Variants in COX7B2 observed in about 807,000 individuals in gnomAD.
The protein encoded by COX7B2 is cytochrome c oxidase subunit 7B2, mitochondrial.
For missense variants in COX7B2, 109 were observed against 95.9 expected, an observed-to-expected ratio of 1.14 and a Z score of -0.57; for synonymous variants, 37 against 32.1, an observed-to-expected ratio of 1.15 and a Z score of -0.51.
chr4:46,748,971 A>G (rs1715185449), intron 2 of COX7B2, among the ~76,000 whole-genome samples: 1 of 152,178 alleles, frequency 6.6e-6, no homozygotes, highest in South Asian at 2.1e-4. Context: ...AATACAGTAC[A>G]TCAAACTTCC....
intron 2 of COX7B2, among the ~76,000 whole-genome samples, chr4:46,767,756 A>G (rs1270384802): frequency 6.6e-6 from 1 of 152,258 alleles, no homozygotes; most frequent in Non-Finnish European, 1.5e-5. Context: ...ATAATCAAAA[A>G]GGAAATCACA....
intron 2 of COX7B2, among the ~76,000 whole-genome samples, chr4:46,754,557 G>A (rs77602323): frequency 1.1e-4 from 11 of 100,622 alleles, no homozygotes; most frequent in Non-Finnish European, 1.2e-4. Context: ...GGGGGGAGGG[G>A]GGAGGGATAG....
intron 2 of COX7B2, among the ~76,000 whole-genome samples, chr4:46,819,295 C>T (rs752099481): frequency 6.6e-6 from 1 of 152,162 alleles, no homozygotes; most frequent in Non-Finnish European, 1.5e-5. Flanking sequence ...TTCATTCCCT[C>T]TACAGAGGTA....
At chr4:46,794,499 C>T (rs1473581167) in intron 2 of COX7B2, among the ~76,000 whole-genome samples, 2 of 152,056 alleles carry the variant, frequency 1.3e-5, no homozygotes, top group Non-Finnish European at 2.9e-5. Flanking sequence ...TGAGAGGGCC[C>T]AAGAGACATG....
At chr4:46,829,209 T>C (rs1714907755) in intron 2 of COX7B2, among the ~76,000 whole-genome samples, 1 of 152,190 alleles carries the variant, frequency 6.6e-6, no homozygotes, top group Admixed American at 6.5e-5. Context: ...ACTCATCTTG[T>C]TTTAAATTGA....
intron 1 of COX7B2, among the ~76,000 whole-genome samples, chr4:46,908,433 T>G (rs1182313809): frequency 6.6e-6 from 1 of 152,140 alleles, no homozygotes; most frequent in Non-Finnish European, 1.5e-5. Context: ...TATTGGCTTT[T>G]GCTCACAGCC....
At chr4:46,878,025 A>C (rs547648370) in intron 1 of COX7B2, among the ~76,000 whole-genome samples, 1 of 151,896 alleles carries the variant, frequency 6.6e-6, no homozygotes, top group South Asian at 2.1e-4. Context: ...GTGCATACAC[A>C]CACACACACA....
At chr4:46,740,855 C>T (rs1046425258) in intron 2 of COX7B2, among the ~76,000 whole-genome samples, 1 of 151,968 alleles carries the variant, frequency 6.6e-6, no homozygotes, top group East Asian at 1.9e-4. Flanking sequence ...TTGATTTCAC[C>T]CAAAACCTCT....
chr4:46,752,856 T>G (rs561357188), intron 2 of COX7B2, among the ~76,000 whole-genome samples: 22 of 152,326 alleles, frequency 1.4e-4, no homozygotes, highest in African/African-American at 3.6e-4. Flanking sequence ...TCGATGTTCA[T>G]CAGCGATATT....
intron 2 of COX7B2, among the ~76,000 whole-genome samples, chr4:46,816,954 C>CT (rs1719589565): frequency 6.6e-6 from 1 of 152,130 alleles, no homozygotes; most frequent in African/African-American, 2.4e-5. Flanking sequence ...TTTTGCTTCA[C>CT]TTTGTCTTTT....
At position 46,858,491 on chromosome 4, in the gene COX7B2, A is replaced by G. The variant is rs184595591; in HGVS notation, c.-104-13477T>C. Among the ~76,000 whole-genome samples, 4 of 152,280 alleles carry G rather than the reference A, an allele frequency of 2.6e-5. No individual in the cohort carries two copies. In the East Asian group the frequency reaches 5.8e-4, roughly 22 times the overall value. On this transcript the variant is annotated intron_variant, in intron 1 of 2. Coordinates refer to ENST00000355591, the MANE Select transcript of COX7B2 (RefSeq NM_130902.3). ...TCATGAAAATATTAGTTTTATATTT[A>G]ATACATTTTAAACATTAGGAAAAAA... is the stretch of plus-strand genomic sequence containing the variant.
intron 1 of COX7B2, among the ~76,000 whole-genome samples, chr4:46,871,894 A>G (rs1718014948): frequency 6.6e-6 from 1 of 152,176 alleles, no homozygotes; most frequent in African/African-American, 2.4e-5. Context: ...TATTCCAACT[A>G]TTGTAGAAAG....
chr4:46,858,615 G>A (rs555556865), intron 1 of COX7B2, among the ~76,000 whole-genome samples: 1 of 152,248 alleles, frequency 6.6e-6, no homozygotes, highest in East Asian at 1.9e-4. Context: ...AGACCCCGTA[G>A]AAGGAGCACT....
chr4:46,908,267 A>G (rs1448680214), intron 1 of COX7B2, among the ~76,000 whole-genome samples: 1 of 152,092 alleles, frequency 6.6e-6, no homozygotes, highest in Non-Finnish European at 1.5e-5. Context: ...ACACAAAAAG[A>G]CTATAATCAT....
intron 2 of COX7B2, among the ~76,000 whole-genome samples, chr4:46,829,644 G>T (rs1714933057): frequency 6.6e-6 from 1 of 152,126 alleles, no homozygotes; most frequent in Non-Finnish European, 1.5e-5. Flanking sequence ...TAAAGAAGGG[G>T]ATCAGAGAAG....
intron 1 of COX7B2, among the ~76,000 whole-genome samples, chr4:46,898,550 T>C (rs1401627420): frequency 6.6e-6 from 1 of 152,070 alleles, no homozygotes; most frequent in African/African-American, 2.4e-5. Context: ...CCCAAGAAGC[T>C]GGGACTACAA....
At chr4:46,752,747 C>G (rs533902790) in intron 2 of COX7B2, among the ~76,000 whole-genome samples, 26 of 152,256 alleles carry the variant, frequency 1.7e-4, no homozygotes, top group African/African-American at 5.8e-4. Context: ...GTTGAACCAG[C>G]CTTGCATCCC....
intron 2 of COX7B2, among the ~76,000 whole-genome samples, chr4:46,809,231 A>G (rs930245583): frequency 7.3e-5 from 11 of 151,658 alleles, no homozygotes; most frequent in African/African-American, 2.7e-4. Context: ...TTTTTTCTTC[A>G]GAAAAGCTCT....
intron 2 of COX7B2, among the ~76,000 whole-genome samples, chr4:46,813,435 A>G (rs563436243): frequency 6.6e-6 from 1 of 152,308 alleles, no homozygotes; most frequent in South Asian, 2.1e-4. Flanking sequence ...GCAAACATAG[A>G]TCACTCAGAT....
Sources: gnomAD v4.1 joint callset for allele counts (sites outside exome capture counted in the v4.1 genomes callset) on GRCh38, gnomAD v4.1.1 for gene constraint, MANE v1.5 for transcripts, NCBI Gene and HGNC (gene_info 2026-07-23, HGNC 2026-07-21) for gene names.